The following SOCS5 variants were observed in gnomAD, a reference collection of about 807,000 sequenced individuals.
SOCS5 encodes CIS-6.
Under a neutral mutation model 42.8 loss-of-function variants are expected in SOCS5, and 32 were observed. The observed-to-expected ratio is 0.75, with a 90% confidence interval of 0.56 to 1.01. The LOEUF (loss-of-function observed/expected upper bound fraction) is 1.01, where lower values mean the gene tolerates loss of function less well. Among genes scored for constraint, SOCS5 ranks in the 50% least tolerant of loss-of-function variants. SOCS5 has a pLI of 0.00. For missense variants in SOCS5, 627 were observed against 653.0 expected (o/e 0.96, Z 0.43); for synonymous variants, 283 against 229.6 (o/e 1.23, Z -2.10).
chr2:46,747,815 C>A (rs1673538552), intron 1 of SOCS5, among the ~76,000 whole-genome samples: 1 of 152,098 alleles, frequency 6.6e-6, no homozygotes, highest in Non-Finnish European at 1.5e-5. Context: ...CATCTGAGAG[C>A]TTGAACTTTA....
intron 1 of SOCS5, among the ~76,000 whole-genome samples, chr2:46,747,936 A>C (rs1344709121): frequency 6.6e-6 from 1 of 152,176 alleles, no homozygotes; most frequent in Non-Finnish European, 1.5e-5. Flanking sequence ...TTGTTAATAA[A>C]CTAAAGATTT....
intron 1 of SOCS5, among the ~76,000 whole-genome samples, chr2:46,715,455 GT>G (rs1672717906): frequency 6.7e-6 from 1 of 150,290 alleles, no homozygotes; most frequent in Non-Finnish European, 1.5e-5. Flanking sequence ...TTATTTCTTT[GT>G]ATCCATCCAA....
chr2:46,722,285 A>G (rs1290700225), intron 1 of SOCS5, among the ~76,000 whole-genome samples: 1 of 151,776 alleles, frequency 6.6e-6, no homozygotes, highest in East Asian at 1.9e-4. Flanking sequence ...TGATGCACAC[A>G]TGCTCAAAGG....
At position 46,758,506 on chromosome 2, in the gene SOCS5, G is replaced by A. The variant is rs1558414422; in HGVS notation, c.-12-13G>A. 2 of 1,542,362 alleles carry A rather than the reference G, an allele frequency of 1.3e-6. No homozygotes were observed. The highest frequency in any genetic ancestry group is 1.4e-5 in the African/African-American group (1 of 72,388). On this transcript the variant is annotated splice_polypyrimidine_tract_variant and intron_variant, in intron 1 of 1. Transcript: ENST00000394861. ...ATTAATTTATTTTTCTCTTTTTGCT[G>A]TTTTGTCTTTAGATTTTATAATCAA... is the stretch of plus-strand genomic sequence containing the variant.
intron 1 of SOCS5, among the ~76,000 whole-genome samples, chr2:46,720,862 C>G (rs540667815): frequency 4.7e-4 from 71 of 151,374 alleles, no homozygotes; most frequent in African/African-American, 1.7e-3. Flanking sequence ...GGAGCCAAGT[C>G]TTCCTTTTGG....
chr2:46,741,945 C>A (rs1673388507), intron 1 of SOCS5, among the ~76,000 whole-genome samples: 1 of 152,144 alleles, frequency 6.6e-6, no homozygotes, highest in Non-Finnish European at 1.5e-5. Context: ...AGTTTTCAAG[C>A]TTTAGTACAT....
chr2:46,752,702 T>C (rs1251310360), intron 1 of SOCS5, among the ~76,000 whole-genome samples: 1 of 152,226 alleles, frequency 6.6e-6, no homozygotes, highest in African/African-American at 2.4e-5. Flanking sequence ...TGTATACTAA[T>C]GGACTAATTA....
At chr2:46,718,130 G>A (rs186124419) in intron 1 of SOCS5, among the ~76,000 whole-genome samples, 1 of 152,096 alleles carries the variant, frequency 6.6e-6, no homozygotes, top group Non-Finnish European at 1.5e-5. Flanking sequence ...TCCCCTGTAT[G>A]GGGTATAAGC....
chr2:46,727,632 A>G (rs917196559), intron 1 of SOCS5, among the ~76,000 whole-genome samples: 2 of 152,178 alleles, frequency 1.3e-5, no homozygotes, highest in African/African-American at 2.4e-5. Flanking sequence ...ATGCAGTATC[A>G]GTCTGATACT....
chr2:46,749,144 A>C (rs766958860), intron 1 of SOCS5, among the ~76,000 whole-genome samples: 1 of 152,154 alleles, frequency 6.6e-6, no homozygotes, highest in Non-Finnish European at 1.5e-5. Flanking sequence ...GTAAAATGTT[A>C]TTTACTTTAC....
At chr2:46,702,691 T>C (rs1672370470) in intron 1 of SOCS5, among the ~76,000 whole-genome samples, 1 of 152,190 alleles carries the variant, frequency 6.6e-6, no homozygotes, top group East Asian at 1.9e-4. Context: ...GAGATTTTAG[T>C]GATAAAATGT....
chr2:46,713,984 T>C (rs1672684429), intron 1 of SOCS5, among the ~76,000 whole-genome samples: 1 of 152,246 alleles, frequency 6.6e-6, no homozygotes, highest in Non-Finnish European at 1.5e-5. Context: ...TGTGTTTTCA[T>C]TTAATGCCGT....
chr2:46,717,451 A>G (rs1672773901), intron 1 of SOCS5, among the ~76,000 whole-genome samples: 1 of 152,118 alleles, frequency 6.6e-6, no homozygotes, highest in Non-Finnish European at 1.5e-5. Context: ...CTTCTGGCTC[A>G]TGACTAGAAT....
chr2:46,760,833 G>A lies in SOCS5; in HGVS notation c.*692G>A, dbSNP rs903739064. The A allele has an allele frequency of 6.0e-5, 10 of 167,184 alleles. No individual in the cohort carries two copies. The Admixed American group carries it at 6.5e-4, about 11-fold the overall frequency. The allele number at this position is 167,184 out of a possible 1,614,324, so 10.4% of individuals were successfully genotyped here. A position where few individuals can be genotyped will look rare whatever the true frequency, so the allele number is the denominator to read the frequency against. On this transcript the variant is annotated 3_prime_UTR_variant, in exon 2 of 2. Transcript: ENST00000394861. ...CTAGGTATTAATTTTTTAAATGAGT[G>A]CTTTAACTTAAAACAGGCGTTTGGA... is the stretch of plus-strand genomic sequence containing the variant.
chr2:46,742,866 A>G (rs974880649), intron 1 of SOCS5, among the ~76,000 whole-genome samples: 1 of 152,106 alleles, frequency 6.6e-6, no homozygotes, highest in Non-Finnish European at 1.5e-5. Flanking sequence ...GGGTTTCACC[A>G]TGATGGCCAG....
At position 46,734,176 on chromosome 2, in the gene SOCS5, A is replaced by G. The variant is rs116595902; in HGVS notation, c.-12-24343A>G. Reference sequence around the variant, plus strand: ...AGTTGGTGCTGTTTTTTATTTTCTTAATAGGACACTGGTGGTTTTTTTTAA... The same window carrying G: ...AGTTGGTGCTGTTTTTTATTTTCTTGATAGGACACTGGTGGTTTTTTTTAA... On this transcript the variant is annotated intron_variant, in intron 1 of 1. Coordinates refer to ENST00000394861, the MANE Select transcript of SOCS5 (RefSeq NM_144949.3). Among the ~76,000 whole-genome samples the G allele has an allele frequency of 4.4e-3, 677 of 152,264 alleles. 1 individual carries two copies. The highest frequency in any genetic ancestry group is 0.015 in the African/African-American group (634 of 41,566).
chr2:46,731,278 A>G (rs1673113427), intron 1 of SOCS5, among the ~76,000 whole-genome samples: 1 of 152,182 alleles, frequency 6.6e-6, no homozygotes, highest in African/African-American at 2.4e-5. Flanking sequence ...AGCTGAAAAG[A>G]TGAGAGTTCT....
intron 1 of SOCS5, among the ~76,000 whole-genome samples, chr2:46,723,002 T>TA: frequency 6.6e-6 from 1 of 152,204 alleles, no homozygotes; most frequent in South Asian, 2.1e-4. Flanking sequence ...TAATGGCTGT[T>TA]ATATGCTTTC....
chr2:46,735,433 G>T (rs1017149698), intron 1 of SOCS5, among the ~76,000 whole-genome samples: 1 of 152,096 alleles, frequency 6.6e-6, no homozygotes, highest in Non-Finnish European at 1.5e-5. Flanking sequence ...CACAAGGAAG[G>T]TTATATTATT....
Sources: allele counts gnomAD v4.1 joint callset (sites outside exome capture counted in the v4.1 genomes callset), GRCh38; gene constraint gnomAD v4.1.1; transcripts MANE v1.5; gene names NCBI Gene and HGNC (gene_info 2026-07-23, HGNC 2026-07-21).